The following CBFB variants were observed in gnomAD, a reference collection of about 807,000 sequenced individuals.
CBFB encodes core-binding factor subunit beta, also known as CBF-beta.
A neutral mutation model predicts 30.4 loss-of-function variants in CBFB; 9 were observed. That is an observed-to-expected ratio of 0.30 (90% CI 0.18 to 0.52). CBFB has a LOEUF of 0.52. Ranked by LOEUF, CBFB falls within the 20% of genes least tolerant of loss-of-function variation. The probability of loss-of-function intolerance (pLI) is 0.97; values close to 1 mark genes in which losing one functional copy is unlikely to be tolerated. For missense variants in CBFB, 170 were observed against 244.0 expected (o/e 0.70, Z 2.02); for synonymous variants, 94 against 84.0 (o/e 1.12, Z -0.65).
At chr16:67,038,364 GTA>G (rs1320530892) in intron 3 of CBFB, among the ~76,000 whole-genome samples, 3 of 151,000 alleles carry the variant, frequency 2.0e-5, no homozygotes, top group Non-Finnish European at 4.4e-5. Flanking sequence ...GTGTATATAC[GTA>G]TATGTGTGTA....
intron 3 of CBFB, among the ~76,000 whole-genome samples, chr16:67,038,330 G>A (rs1002340711): frequency 2.0e-5 from 3 of 149,706 alleles, no homozygotes; most frequent in East Asian, 3.9e-4. Context: ...ACGTATATGT[G>A]TGTGTATATA....
At chr16:67,035,910 T>G (rs879545601) in intron 2 of CBFB, among the ~76,000 whole-genome samples, 10 of 152,204 alleles carry the variant, frequency 6.6e-5, no homozygotes, top group South Asian at 4.1e-4. Context: ...AAGGCCTACA[T>G]AAAATGACAC....
chr16:67,043,164 G>A (rs1966560551), intron 3 of CBFB, among the ~76,000 whole-genome samples: 1 of 152,196 alleles, frequency 6.6e-6, no homozygotes, highest in African/African-American at 2.4e-5. Context: ...TCAACAGGGA[G>A]GGAGGGATTA....
rs536228642 is a variant in CBFB, at chr16:67,095,249, T to C, written c.496-3461T>C. Among the ~76,000 whole-genome samples the C allele has an allele frequency of 1.5e-4, 18 of 116,834 alleles. No homozygotes were observed. In the South Asian group the frequency reaches 3.3e-3, roughly 21 times the overall value. The allele number at this position is 116,834 out of a possible 152,430, so 76.6% of individuals were successfully genotyped here. A position where few individuals can be genotyped will look rare whatever the true frequency, so the allele number is the denominator to read the frequency against. On this transcript the variant is annotated intron_variant, in intron 5 of 5. Transcript: ENST00000412916. ...AAAAAAAAAAAAAGGCTGGGCACGG[T>C]GGCTCACGCCTGTAATCCCAACACT...
chr16:67,080,270 A>C (rs1016901913), intron 4 of CBFB, among the ~76,000 whole-genome samples: 23 of 148,868 alleles, frequency 1.5e-4, no homozygotes, highest in African/African-American at 5.6e-4. Flanking sequence ...GACCAAATGG[A>C]AGCAAGGAGA....
chr16:67,064,524 A>T (rs1012844844), intron 3 of CBFB, among the ~76,000 whole-genome samples: 1 of 152,172 alleles, frequency 6.6e-6, no homozygotes, highest in Non-Finnish European at 1.5e-5. Context: ...TGTTTTTAAA[A>T]GTAACTATTA....
intron 4 of CBFB, among the ~76,000 whole-genome samples, chr16:67,071,416 GCT>G (rs1457281644): frequency 6.6e-6 from 1 of 152,118 alleles, no homozygotes; most frequent in African/African-American, 2.4e-5. Context: ...ACAGGAGAGA[GCT>G]CTCTGTCTCT....
chr16:67,057,959 A>G (rs1960778542), intron 3 of CBFB, among the ~76,000 whole-genome samples: 1 of 152,154 alleles, frequency 6.6e-6, no homozygotes, highest in Non-Finnish European at 1.5e-5. Context: ...CTAATTTCTC[A>G]TGGATGGCCT....
At chr16:67,038,531 G>A (rs772723708) in intron 3 of CBFB, among the ~76,000 whole-genome samples, 17 of 152,094 alleles carry the variant, frequency 1.1e-4, no homozygotes, top group Non-Finnish European at 2.5e-4. Context: ...TAAGCAAGCA[G>A]TTTGCTTTCC....
chr16:67,086,029 TTAATC>T (rs1160027428), intron 5 of CBFB, among the ~76,000 whole-genome samples: 1 of 151,872 alleles, frequency 6.6e-6, no homozygotes, highest in African/African-American at 2.4e-5. Context: ...AGTGAGTTAA[TTAATC>T]TAATGGGCTG....
rs1260620193 is a variant in CBFB at position 67,099,423 on chromosome 16, T to C, written c.*645T>C. 1 of 212,172 alleles carries C rather than the reference T, an allele frequency of 4.7e-6. No individual in the cohort carries two copies. Among genetic ancestry groups the C allele is most frequent in the Non-Finnish European group, 9.5e-6 (1 of 104,740 alleles). The allele number at this position is 212,172 out of a possible 1,614,324, so 13.1% of individuals were successfully genotyped here. ...TGCTAGTAATCAGCACTCTTTCTTT[T>C]TTTTTTTTTTAATAGAGACAGGGTC... On this transcript the variant is annotated 3_prime_UTR_variant, in exon 6 of 6. Coordinates refer to ENST00000412916, the MANE Select transcript of CBFB (RefSeq NM_022845.3).
At chr16:67,083,256 T>C (rs762306492) in intron 5 of CBFB, among the ~76,000 whole-genome samples, 1 of 152,048 alleles carries the variant, frequency 6.6e-6, no homozygotes, top group Admixed American at 6.6e-5. Flanking sequence ...CATCTAATCA[T>C]GACTTTCTCA....
intron 5 of CBFB, among the ~76,000 whole-genome samples, chr16:67,087,598 T>G (rs193281485): frequency 7.7e-4 from 118 of 152,346 alleles, no homozygotes; most frequent in East Asian, 3.9e-4. Flanking sequence ...AATTTGATTT[T>G]TCTAATTTAA....
rs1212291127 is a variant in CBFB at position 67,029,827 on chromosome 16, C to A, written c.165+14C>A. On this transcript the variant is annotated intron_variant, in intron 2 of 5. Transcript: ENST00000412916. ...CGCTCGGAAATCGTAAGTCGGCTGG[C>A]CCGGGGCGCGCGCGGGTCACTTGTT... The A allele has an allele frequency of 6.4e-7, 1 of 1,569,538 alleles. No individual in the cohort carries two copies. The highest frequency in any genetic ancestry group is 1.8e-5 in the Admixed American group (1 of 55,920).
intron 5 of CBFB, among the ~76,000 whole-genome samples, chr16:67,097,272 G>A (rs1454923456): frequency 6.6e-6 from 1 of 150,824 alleles, no homozygotes; most frequent in Non-Finnish European, 1.5e-5. Context: ...GGGGCCGGGC[G>A]TGGTGGCTCA....
intron 5 of CBFB, among the ~76,000 whole-genome samples, chr16:67,088,991 C>A (rs1393815617): frequency 5.9e-5 from 9 of 152,168 alleles, no homozygotes; most frequent in Admixed American, 3.3e-4. Context: ...GAGCATTCTT[C>A]CATTTCACCA....
intron 3 of CBFB, among the ~76,000 whole-genome samples, chr16:67,053,014 A>G (rs1165192685): frequency 1.3e-5 from 2 of 151,660 alleles, no homozygotes; most frequent in African/African-American, 4.8e-5. Flanking sequence ...ATCTCAAAAA[A>G]AAAAAAAAGA....
At position 67,100,066 on chromosome 16, in the gene CBFB, C is replaced by CTT; in HGVS notation, c.*1296_*1297dup. 3.8e-5 allele frequency: 8 copies of CTT among 210,222 alleles called. No homozygotes were observed. The highest frequency in any genetic ancestry group is 6.8e-5 in the Non-Finnish European group (7 of 103,578). The allele number at this position is 210,222 out of a possible 1,614,324, so 13.0% of individuals were successfully genotyped here. A position where few individuals can be genotyped will look rare whatever the true frequency, so the allele number is the denominator to read the frequency against. On this transcript the variant is annotated 3_prime_UTR_variant, in exon 6 of 6. Transcript: ENST00000412916. ...AAATAGGCTTACTGTCAAATTGCAA[C>CTT]TTTTTTTTTAGATACAGAGTGGAAA... is the stretch of plus-strand genomic sequence containing the variant.
At chr16:67,074,738 G>A (rs1961339373) in intron 4 of CBFB, among the ~76,000 whole-genome samples, 1 of 152,054 alleles carries the variant, frequency 6.6e-6, no homozygotes, top group Non-Finnish European at 1.5e-5. Flanking sequence ...CTTGGAGTAG[G>A]CAAAAACTTG....
Sources: gnomAD v4.1 joint callset for allele counts (sites outside exome capture counted in the v4.1 genomes callset) on GRCh38, gnomAD v4.1.1 for gene constraint, MANE v1.5 for transcripts, NCBI Gene and HGNC (gene_info 2026-07-23, HGNC 2026-07-21) for gene names.